ZNF710: variants seen among roughly 807,000 people sequenced by gnomAD.
ZNF710 encodes zinc finger protein 710.
A neutral mutation model predicts 50.6 loss-of-function variants in ZNF710; 13 were observed. The observed-to-expected ratio is 0.26, with a 90% confidence interval of 0.17 to 0.41. The LOEUF is 0.41. Among genes scored for constraint, ZNF710 ranks in the 10% least tolerant of loss-of-function variants. ZNF710 has a pLI of 1.00. For synonymous variants in ZNF710, 383 were observed against 397.0 expected, an observed-to-expected ratio of 0.96 and a Z score of 0.42; for missense variants, 721 against 936.6, an observed-to-expected ratio of 0.77 and a Z score of 3.01.
At chr15:90,008,638 A>C (rs931568705) in intron 1 of ZNF710, among the ~76,000 whole-genome samples, 1 of 151,002 alleles carries the variant, frequency 6.6e-6, no homozygotes, top group Non-Finnish European at 1.5e-5. Context: ...TTTATAAATC[A>C]GTCGGTGGCA....
intron 1 of ZNF710, among the ~76,000 whole-genome samples, chr15:90,004,518 G>C (rs901030905): frequency 6.6e-6 from 1 of 152,198 alleles, no homozygotes; most frequent in Non-Finnish European, 1.5e-5. Flanking sequence ...TTGAAATAAG[G>C]AATCTGTGAA....
At chr15:90,065,807 T>G (rs1239673511) in intron 1 of ZNF710, among the ~76,000 whole-genome samples, 1 of 152,102 alleles carries the variant, frequency 6.6e-6, no homozygotes, top group African/African-American at 2.4e-5. Context: ...TTCGGGGGGC[T>G]GAGGCAGAAG....
rs1422553850 is a variant in ZNF710, at chr15:90,001,441, A to G, written c.-202A>G. On this transcript the variant is annotated 5_prime_UTR_variant, in exon 1 of 5. Coordinates refer to ENST00000268154, the MANE Select transcript of ZNF710 (RefSeq NM_198526.4). ...GAGAGAGCGAGCGAGAGGAGGGGGG[A>G]GAGAGAGAAAGAGAGGAGCCGGAGG... 1.3e-5 allele frequency: 2 copies of G among 150,572 alleles called. No homozygotes were observed. The highest frequency in any genetic ancestry group is 4.9e-5 in the African/African-American group (2 of 40,850). 9.3% of individuals were successfully genotyped at this position (150,572 alleles called of 1,614,324 possible). A position where few individuals can be genotyped will look rare whatever the true frequency, so the allele number is the denominator to read the frequency against.
At chr15:90,019,509 A>G (rs961847876) in intron 1 of ZNF710, among the ~76,000 whole-genome samples, 1 of 152,094 alleles carries the variant, frequency 6.6e-6, no homozygotes, top group Non-Finnish European at 1.5e-5. Context: ...CCCCAGACAC[A>G]TTGTATCATA....
At chr15:90,077,740 A>C (rs1354553042) in intron 4 of ZNF710, among the ~76,000 whole-genome samples, 1 of 152,182 alleles carries the variant, frequency 6.6e-6, no homozygotes, top group Non-Finnish European at 1.5e-5. Flanking sequence ...GGCCTAAACA[A>C]TAAGGAAATC....
intron 1 of ZNF710, among the ~76,000 whole-genome samples, chr15:90,007,179 G>T (rs1422058588): frequency 6.6e-6 from 1 of 152,116 alleles, no homozygotes; most frequent in Non-Finnish European, 1.5e-5. Context: ...GGAGGATTTG[G>T]CCTGAAGCAA....
chr15:90,002,057 C>G (rs1433382262), intron 1 of ZNF710, among the ~76,000 whole-genome samples: 1 of 150,786 alleles, frequency 6.6e-6, no homozygotes, highest in Non-Finnish European at 1.5e-5. Flanking sequence ...GCCCGGGAGG[C>G]GACGGTGGCG....
chr15:90,064,229 G>C (rs1900100413), intron 1 of ZNF710, among the ~76,000 whole-genome samples: 1 of 152,264 alleles, frequency 6.6e-6, no homozygotes, highest in Admixed American at 6.5e-5. Context: ...TGGCTGGAGG[G>C]CACTGGGGGT....
At chr15:90,014,432 C>T (rs1331926499) in intron 1 of ZNF710, among the ~76,000 whole-genome samples, 1 of 149,960 alleles carries the variant, frequency 6.7e-6, no homozygotes, top group African/African-American at 2.5e-5. Flanking sequence ...ATCCCAGCTA[C>T]ACTAGAGGCT....
chr15:90,021,329 C>T (rs1338718933), intron 1 of ZNF710, among the ~76,000 whole-genome samples: 1 of 152,200 alleles, frequency 6.6e-6, no homozygotes, highest in Admixed American at 6.5e-5. Context: ...CTTTCAGCCT[C>T]GGCTCACCAT....
Position 90,068,801 on chromosome 15 carries a change from A to G in ZNF710, c.1458+206A>G, listed in dbSNP as rs553427594. ...GTAGTAAAGCTTTATGCATTCAAAA[A>G]CATGTATTTGGCCAGGCACAATGGC... On this transcript the variant is annotated intron_variant, in intron 2 of 4. Coordinates refer to ENST00000268154, the MANE Select transcript of ZNF710 (RefSeq NM_198526.4). This position sits in a 1 kb window ranked among gnomAD's most constrained non-coding sequence, Gnocchi z 5.0. 4.6e-5 allele frequency among the ~76,000 whole-genome samples: 7 copies of G among 152,314 alleles called. No homozygotes were observed. The highest frequency in any genetic ancestry group is 1.7e-4 in the African/African-American group (7 of 41,580).
At chr15:90,008,769 CA>C (rs932275434) in intron 1 of ZNF710, among the ~76,000 whole-genome samples, 84 of 134,448 alleles carry the variant, frequency 6.2e-4, no homozygotes, top group South Asian at 4.7e-4. Flanking sequence ...AACCCTGTCT[CA>C]AAAAAAAAAA....
At chr15:90,022,668 T>C (rs1898659167) in intron 1 of ZNF710, among the ~76,000 whole-genome samples, 2 of 152,192 alleles carry the variant, frequency 1.3e-5, no homozygotes, top group South Asian at 4.1e-4. Context: ...CCTTTGGAAA[T>C]GTTGACCTGA....
At chr15:90,075,964 C>G (rs1900578832) in intron 4 of ZNF710, 1 of 152,234 alleles carries the variant, frequency 6.6e-6, no homozygotes, top group Non-Finnish European at 1.5e-5. Context: ...TTGAGACCCA[C>G]TGGACCAGAC....
intron 4 of ZNF710, chr15:90,076,657 C>G (rs1452666263): frequency 6.6e-6 from 1 of 150,722 alleles, no homozygotes; most frequent in African/African-American, 2.5e-5. Flanking sequence ...AGGAGAATCA[C>G]TTGAACCTGG....
At chr15:90,030,985 C>T (rs1176761470) in intron 1 of ZNF710, among the ~76,000 whole-genome samples, 2 of 132,644 alleles carry the variant, frequency 1.5e-5, no homozygotes, top group Non-Finnish European at 3.1e-5. Context: ...CGCCACTGCA[C>T]TCCAGCCTGG....
chr15:90,050,143 G>C (rs1255515864), intron 1 of ZNF710, among the ~76,000 whole-genome samples: 1 of 152,238 alleles, frequency 6.6e-6, no homozygotes, highest in African/African-American at 2.4e-5. Context: ...AAGGCATTAC[G>C]TGAATGAGAG....
rs377516356 is a variant in ZNF710 at position 90,067,614 on chromosome 15, C to T, written c.477C>T (p.Ile159=). The part of the protein sequence containing the change: ...ALVQSSAVKM[I]DLSAFSRKPR... ...TGCAGAGCAGCGCCGTCAAGATGAT[C>T]GACCTCAGCGCCTTCAGCCGCAAGC... Residue 159 remains isoleucine (I), a synonymous_variant, in exon 2 of 5, where the codon ATC becomes ATT. Transcript: ENST00000268154. This position sits in a 1 kb window ranked among gnomAD's most constrained non-coding sequence, Gnocchi z 8.1. 45 of 1,611,310 alleles carry T rather than the reference C, an allele frequency of 2.8e-5. No homozygotes were observed. The African/African-American group carries it at 4.4e-4, about 16-fold the overall frequency.
rs1886535821 is a variant in ZNF710, at chr15:90,059,100, G to A, written c.-28-8010G>A. ...CACGACAGTGATGGTCTCAGGCTGA[G>A]AGAGGGTCCTCATCCTGTCCTCATG... On this transcript the variant is annotated intron_variant, in intron 1 of 4. Transcript: ENST00000268154. This position sits in a 1 kb window ranked among gnomAD's most constrained non-coding sequence, Gnocchi z 4.1. 6.6e-6 allele frequency among the ~76,000 whole-genome samples: 1 copy of A among 152,258 alleles called. No homozygotes were observed. The highest frequency in any genetic ancestry group is 1.5e-5 in the Non-Finnish European group (1 of 68,052).
Sources: gnomAD v4.1 joint callset for allele counts (sites outside exome capture counted in the v4.1 genomes callset) on GRCh38, gnomAD v4.1.1 for gene constraint, Gnocchi (gnomAD v3.1) non-coding constraint, MANE v1.5 for transcripts, NCBI Gene and HGNC (gene_info 2026-07-23, HGNC 2026-07-21) for gene names.